The following COLEC10 variants were observed in gnomAD, a reference collection of about 807,000 sequenced individuals.
COLEC10 encodes the protein collectin subfamily member 10.
A neutral mutation model predicts 28.4 loss-of-function variants in COLEC10; 22 were observed. The ratio of observed to expected loss-of-function variants is 0.78; its 90% CI spans 0.55 to 1.11. The LOEUF (loss-of-function observed/expected upper bound fraction) is 1.11. Among genes scored for constraint, COLEC10 ranks in the 50% least tolerant of loss-of-function variants. The pLI, the probability that COLEC10 is intolerant of heterozygous loss-of-function variation, is 0.00. For missense variants in COLEC10, 361 were observed against 344.1 expected (o/e 1.05, Z -0.39); for synonymous variants, 125 against 116.1 (o/e 1.08, Z -0.49).
At chr8:119,100,014 TC>T (rs1815792372) in intron 3 of COLEC10, among the ~76,000 whole-genome samples, 1 of 152,178 alleles carries the variant, frequency 6.6e-6, no homozygotes. Context: ...TAAAAGGGAT[TC>T]ACATGCAAAG....
At chr8:118,987,577 GA>G in the COLEC10 span, among the ~76,000 whole-genome samples, 1 of 151,870 alleles carries the variant, frequency 6.6e-6, no homozygotes, top group Non-Finnish European at 1.5e-5. Flanking sequence ...AAATAAAAAA[GA>G]AAGACTGATT....
At chr8:119,045,055 C>T (rs1401433479) in intron 2 of COLEC10, among the ~76,000 whole-genome samples, 1 of 152,038 alleles carries the variant, frequency 6.6e-6, no homozygotes, top group African/African-American at 2.4e-5. Flanking sequence ...TTTTTCCTTC[C>T]CTTGGAATAT....
chr8:118,998,084 A>G (rs565560411), intron 1 of COLEC10, among the ~76,000 whole-genome samples: 1 of 152,328 alleles, frequency 6.6e-6, no homozygotes, highest in South Asian at 2.1e-4. Context: ...TTTGAACAGC[A>G]AATTAACCTC....
At position 119,106,292 on chromosome 8, in the gene COLEC10, A is replaced by G. The variant is rs907157061; in HGVS notation, c.*101A>G. 5 of 1,273,582 alleles carry G rather than the reference A, an allele frequency of 3.9e-6. No homozygotes were observed. Among genetic ancestry groups the G allele is most frequent in the Non-Finnish European group, 5.4e-6 (5 of 922,202 alleles). The allele number at this position is 1,273,582 out of a possible 1,614,324, so 78.9% of individuals were successfully genotyped here. A position where few individuals can be genotyped will look rare whatever the true frequency, so the allele number is the denominator to read the frequency against. ...ATTGTACTACATTTGATCTGAGTCA[A>G]CATAGCTAGAAAATGCTAAACTGAG... On this transcript the variant is annotated 3_prime_UTR_variant, in exon 6 of 6. Transcript: ENST00000332843.
intron 2 of COLEC10, among the ~76,000 whole-genome samples, chr8:119,013,143 T>A (rs1352563934): frequency 1.3e-5 from 2 of 150,592 alleles, no homozygotes; most frequent in Non-Finnish European, 3.0e-5. Flanking sequence ...TTCCATGAAT[T>A]GAATTTTGAC....
At chr8:119,003,092 G>C (rs1813729582) in intron 1 of COLEC10, among the ~76,000 whole-genome samples, 1 of 152,070 alleles carries the variant, frequency 6.6e-6, no homozygotes, top group Non-Finnish European at 1.5e-5. Context: ...GGAACAGAAA[G>C]GTATGGGTAA....
chr8:119,036,998 A>C (rs1004179476), intron 2 of COLEC10, among the ~76,000 whole-genome samples: 2 of 152,182 alleles, frequency 1.3e-5, no homozygotes, highest in Non-Finnish European at 2.9e-5. Flanking sequence ...GCCAGAGCAC[A>C]TGCCTTTTGA....
At chr8:119,027,228 T>A (rs1407390058) in intron 2 of COLEC10, among the ~76,000 whole-genome samples, 1 of 152,134 alleles carries the variant, frequency 6.6e-6, no homozygotes, top group Non-Finnish European at 1.5e-5. Flanking sequence ...AATAAAATGG[T>A]GCATGGAGAT....
At chr8:119,079,832 G>C (rs1815335481) in intron 1 of COLEC10, among the ~76,000 whole-genome samples, 1 of 152,036 alleles carries the variant, frequency 6.6e-6, no homozygotes, top group African/African-American at 2.4e-5. Context: ...CCCTGGAATT[G>C]ATAGGGCACA....
intron 2 of COLEC10, among the ~76,000 whole-genome samples, chr8:119,038,020 A>T (rs1445981832): frequency 6.6e-6 from 1 of 152,250 alleles, no homozygotes; most frequent in African/African-American, 2.4e-5. Context: ...GGCTGAATTT[A>T]TTCAGGAGTT....
upstream of COLEC10, among the ~76,000 whole-genome samples, chr8:119,063,814 AAC>A (rs1342597169): frequency 2.0e-5 from 3 of 152,202 alleles, no homozygotes; most frequent in South Asian, 2.1e-4. Flanking sequence ...TATTTGGACA[AAC>A]ACAAAGCTAA....
intron 2 of COLEC10, among the ~76,000 whole-genome samples, chr8:119,035,502 G>A (rs1814374173): frequency 6.6e-6 from 1 of 152,086 alleles, no homozygotes; most frequent in South Asian, 2.1e-4. Flanking sequence ...ATAAATTCTG[G>A]GAAAAAGAAA....
At chr8:119,049,197 A>C (rs1201144638) in intron 2 of COLEC10, among the ~76,000 whole-genome samples, 2 of 152,068 alleles carry the variant, frequency 1.3e-5, no homozygotes, top group Non-Finnish European at 2.9e-5. Context: ...TTCTACTGAG[A>C]GGTCTGCTGC....
At position 119,107,779 on chromosome 8, in the gene COLEC10, G is replaced by C. The variant is rs538315652; in HGVS notation, c.*1588G>C. On this transcript the variant is annotated 3_prime_UTR_variant, in exon 6 of 6. Coordinates refer to ENST00000332843, the MANE Select transcript of COLEC10 (RefSeq NM_006438.5). Reference sequence around the variant, plus strand: ...CAGTGGCTGCTGCTGGTGCTAGGGAGGACCCAATCTTGCTAAATGTGCTGA... The same window carrying C: ...CAGTGGCTGCTGCTGGTGCTAGGGACGACCCAATCTTGCTAAATGTGCTGA... Among the ~76,000 whole-genome samples, 1 of 152,284 alleles carries C rather than the reference G, an allele frequency of 6.6e-6. No homozygotes were observed. The highest frequency in any genetic ancestry group is 1.5e-5 in the Non-Finnish European group (1 of 68,020).
intron 2 of COLEC10, among the ~76,000 whole-genome samples, chr8:119,014,967 G>C (rs1813964958): frequency 6.6e-6 from 1 of 150,816 alleles, no homozygotes; most frequent in Non-Finnish European, 1.5e-5. Flanking sequence ...AACTCTTCCT[G>C]TATGTTGCTT....
intron 1 of COLEC10, among the ~76,000 whole-genome samples, chr8:119,001,554 T>C (rs1410624981): frequency 3.9e-5 from 6 of 152,166 alleles, no homozygotes; most frequent in African/African-American, 1.2e-4. Flanking sequence ...GCAACTATAA[T>C]AGGCTTATAA....
chr8:119,029,958 T>C (rs1469114879), intron 2 of COLEC10, among the ~76,000 whole-genome samples: 1 of 152,190 alleles, frequency 6.6e-6, no homozygotes, highest in Non-Finnish European at 1.5e-5. Context: ...AGTGTCTCCT[T>C]AACTATATAT....
At chr8:119,036,681 G>T (rs925864559) in intron 2 of COLEC10, among the ~76,000 whole-genome samples, 23 of 151,926 alleles carry the variant, frequency 1.5e-4, no homozygotes, top group Non-Finnish European at 4.4e-5. Context: ...TTTTAGTCAG[G>T]GTCCAAACAG....
intron 1 of COLEC10, among the ~76,000 whole-genome samples, chr8:119,081,008 G>T (rs1057437461): frequency 1.3e-5 from 2 of 151,442 alleles, no homozygotes; most frequent in Non-Finnish European, 2.9e-5. Flanking sequence ...ATTTTTAATC[G>T]GTCCCATGAT....
Sources: allele counts gnomAD v4.1 joint callset (sites outside exome capture counted in the v4.1 genomes callset), GRCh38; gene constraint gnomAD v4.1.1; transcripts MANE v1.5; gene names NCBI Gene and HGNC (gene_info 2026-07-23, HGNC 2026-07-21).